The following PAK3 variants were observed in gnomAD, a reference collection of about 807,000 sequenced individuals.
PAK3 encodes the protein serine/threonine-protein kinase PAK 3.
A neutral mutation model predicts 41.0 loss-of-function variants in PAK3; 4 were observed. The ratio of observed to expected loss-of-function variants is 0.10; its 90% CI spans 0.05 to 0.22. The LOEUF is 0.22. Ranked by LOEUF, PAK3 falls within the 10% of genes least tolerant of loss-of-function variation. The pLI, the probability that PAK3 is intolerant of heterozygous loss-of-function variation, is 1.00. For missense variants in PAK3, 205 were observed against 409.9 expected (o/e 0.50, Z 4.32); for synonymous variants, 146 against 139.6 (o/e 1.05, Z -0.32).
intron 1 of PAK3, among the ~76,000 whole-genome samples, chrX:110,999,637 A>T (rs529791882): frequency 2.0e-5 from 2 of 100,599 alleles, no homozygotes; most frequent in South Asian, 9.7e-4. Context: ...TTATTGGGGG[A>T]GTGGTGGTGG....
intron 1 of PAK3, among the ~76,000 whole-genome samples, chrX:111,035,567 A>G (rs1453579381): frequency 8.9e-6 from 1 of 111,991 alleles, no homozygotes; most frequent in Non-Finnish European, 1.9e-5. Context: ...CGGCTGTGAA[A>G]CATTATTAGC....
At chrX:110,966,425 G>C (rs777608405) in intron 1 of PAK3, among the ~76,000 whole-genome samples, 1 of 110,230 alleles carries the variant, frequency 9.1e-6, no homozygotes, top group African/African-American at 3.3e-5. Context: ...GAAAGGGAGG[G>C]ACTCAAAAAA....
chrX:111,043,116 C>T (rs1247620422), intron 1 of PAK3, among the ~76,000 whole-genome samples: 1 of 109,520 alleles, frequency 9.1e-6, no homozygotes, highest in Admixed American at 9.7e-5. Flanking sequence ...ATAGCAACAC[C>T]CTGTCTCTAC....
chrX:111,111,825 C>T (rs1314783501), intron 4 of PAK3, among the ~76,000 whole-genome samples: 1 of 111,543 alleles, frequency 9.0e-6, no homozygotes, highest in African/African-American at 3.3e-5. Context: ...ATATCTCTAC[C>T]CTGATTTCCA....
chrX:111,053,530 G>C (rs2092578206), intron 1 of PAK3, among the ~76,000 whole-genome samples: 1 of 111,562 alleles, frequency 9.0e-6, no homozygotes, highest in Non-Finnish European at 1.9e-5. Flanking sequence ...GCTGTAATTT[G>C]CTCAAAGATT....
At chrX:111,122,255 GAAAAAAAAAAAA>G (rs747134804) in intron 4 of PAK3, among the ~76,000 whole-genome samples, 4 of 23,276 alleles carry the variant, frequency 1.7e-4, no homozygotes, top group Non-Finnish European at 3.3e-4. Context: ...GACTCCATCT[GAAAAAAAAAAAA>G]AAAAAAAAAA....
chrX:111,072,544 G>C (rs2092753550), intron 1 of PAK3, among the ~76,000 whole-genome samples: 1 of 112,597 alleles, frequency 8.9e-6, no homozygotes, highest in African/African-American at 3.2e-5. Context: ...ACATGAGATT[G>C]TTCTAGGGAT....
At chrX:110,957,488 A>G (rs1157052269) in intron 1 of PAK3, among the ~76,000 whole-genome samples, 1 of 112,284 alleles carries the variant, frequency 8.9e-6, no homozygotes, top group African/African-American at 3.2e-5. Context: ...CTTATGAAAT[A>G]TTCAGAAGGG....
intron 1 of PAK3, among the ~76,000 whole-genome samples, chrX:111,053,555 G>A (rs1469150313): frequency 9.0e-6 from 1 of 111,323 alleles, no homozygotes; most frequent in Non-Finnish European, 1.9e-5. Context: ...CTAGGCGCAG[G>A]CACTTTCTAC....
At chrX:110,992,505 C>T (rs981992508) in intron 1 of PAK3, among the ~76,000 whole-genome samples, 6 of 110,498 alleles carry the variant, frequency 5.4e-5, no homozygotes, top group Non-Finnish European at 1.1e-4. Flanking sequence ...AAACAAGAGG[C>T]AGCAACTCCA....
At chrX:111,082,113 T>C (rs1483298558) in intron 1 of PAK3, among the ~76,000 whole-genome samples, 1 of 112,224 alleles carries the variant, frequency 8.9e-6, no homozygotes, top group African/African-American at 3.2e-5. Flanking sequence ...GGAAGGCTTT[T>C]GGCTGTCGTG....
intron 1 of PAK3, among the ~76,000 whole-genome samples, chrX:110,972,829 G>A (rs1013454011): frequency 5.4e-5 from 6 of 111,126 alleles, no homozygotes; most frequent in African/African-American, 9.8e-5. Context: ...AAGATTAGAC[G>A]AATGGCTAAC....
At chrX:111,214,792 A>G (rs780936305) in intron 16 of PAK3, among the ~76,000 whole-genome samples, 47 of 111,446 alleles carry the variant, frequency 4.2e-4, no homozygotes, top group Non-Finnish European at 8.1e-4. Flanking sequence ...AAGGACTTTT[A>G]CAGAAATACC....
intron 1 of PAK3, among the ~76,000 whole-genome samples, chrX:111,025,870 T>A (rs774477262): frequency 1.9e-5 from 2 of 104,691 alleles, no homozygotes; most frequent in Non-Finnish European, 3.9e-5. Flanking sequence ...TACAGACCAA[T>A]ATCCCGAAAG....
chrX:111,003,493 A>C (rs189023312), intron 1 of PAK3, among the ~76,000 whole-genome samples: 1 of 111,689 alleles, frequency 9.0e-6, no homozygotes. Context: ...GGCATCCCTG[A>C]CTGGCACTTT....
chrX:110,946,445 GT>G (rs2090622518), intron 1 of PAK3, among the ~76,000 whole-genome samples: 1 of 111,945 alleles, frequency 8.9e-6, no homozygotes, highest in African/African-American at 3.2e-5. Context: ...ATATTAGTGT[GT>G]TTTGCTTTAA....
chrX:111,026,029 A>G (rs1035702434), intron 1 of PAK3, among the ~76,000 whole-genome samples: 1 of 111,859 alleles, frequency 8.9e-6, no homozygotes, highest in Non-Finnish European at 1.9e-5. Context: ...GTGATACACC[A>G]CATAAACAGA....
intron 1 of PAK3, among the ~76,000 whole-genome samples, chrX:110,972,929 A>G (rs1179918421): frequency 8.9e-6 from 1 of 112,002 alleles, no homozygotes; most frequent in East Asian, 2.8e-4. Flanking sequence ...ACAAGCTTCA[A>G]TAGCCGATTC....
chrX:111,206,339 G>A (rs1033169185), intron 16 of PAK3, among the ~76,000 whole-genome samples: 5 of 111,405 alleles, frequency 4.5e-5, no homozygotes, highest in African/African-American at 1.6e-4. Context: ...CCAAACCTTG[G>A]GTACTGCTTT....
Sources: allele counts gnomAD v4.1 joint callset (sites outside exome capture counted in the v4.1 genomes callset), GRCh38; gene constraint gnomAD v4.1.1; transcripts MANE v1.5; gene names NCBI Gene and HGNC (gene_info 2026-07-23, HGNC 2026-07-21).